The following TET3 variants were observed in gnomAD, a reference collection of about 807,000 sequenced individuals.
The protein encoded by TET3 is tet methylcytosine dioxygenase 3.
Under a neutral mutation model 141.4 loss-of-function variants are expected in TET3, and 19 were observed. That is an observed-to-expected ratio of 0.13 (90% CI 0.09 to 0.20). The LOEUF is 0.20. Among genes scored for constraint, TET3 ranks in the 10% least tolerant of loss-of-function variants. TET3 has a pLI of 1.00. For synonymous variants in TET3, 1,043 were observed against 980.9 expected, an observed-to-expected ratio of 1.06 and a Z score of -1.18; for missense variants, 1,874 against 2,356.9, an observed-to-expected ratio of 0.80 and a Z score of 4.24.
At chr2:74,112,444 TAAAG>T (rs1034122118), downstream of TET3, among the ~76,000 whole-genome samples, 344 of 151,800 alleles carry the variant, frequency 2.3e-3, 5 homozygotes, top group Non-Finnish European at 2.8e-4. Context: ...CCGCTCCAAA[TAAAG>T]AAAATTATCA....
At chr2:73,988,187 G>T (rs1015432986) in intron 2 of TET3, among the ~76,000 whole-genome samples, 1 of 152,180 alleles carries the variant, frequency 6.6e-6, no homozygotes, top group South Asian at 2.1e-4. Context: ...CCCATGGGTC[G>T]CTACTGAAAG....
At chr2:74,133,444 C>T in the TET3 span, among the ~76,000 whole-genome samples, 3 of 152,224 alleles carry the variant, frequency 2.0e-5, no homozygotes, top group Non-Finnish European at 4.4e-5. Flanking sequence ...GCTGGGGCTG[C>T]AATCTTCTGA....
chr2:74,042,736 AAGG>A (rs1687403637), intron 3 of TET3, among the ~76,000 whole-genome samples: 1 of 152,142 alleles, frequency 6.6e-6, no homozygotes, highest in Non-Finnish European at 1.5e-5. Context: ...GAGAGTTGGG[AAGG>A]ACGCTTCTCC....
At chr2:73,983,827 T>G (rs1382691910), upstream of TET3, among the ~76,000 whole-genome samples, 1 of 152,224 alleles carries the variant, frequency 6.6e-6, no homozygotes, top group African/African-American at 2.4e-5. Flanking sequence ...CGAGTGTGTG[T>G]GTGCGCGTGT....
chr2:74,126,629 G>A, the TET3 span, among the ~76,000 whole-genome samples: 1 of 149,890 alleles, frequency 6.7e-6, no homozygotes, highest in East Asian at 2.0e-4. Flanking sequence ...AGTGTCCCAC[G>A]TAGCTGGGAC....
chr2:74,114,853 C>CAAAAAAAAAAA, the TET3 span, among the ~76,000 whole-genome samples: 2,736 of 43,738 alleles, frequency 0.063, 433 homozygotes, highest in East Asian at 0.16. Context: ...GACTCTGTCT[C>CAAAAAAAAAAA]AAAAAAAAAA....
chr2:73,997,610 C>A, intron 2 of TET3, among the ~76,000 whole-genome samples: 1 of 152,090 alleles, frequency 6.6e-6, no homozygotes, highest in East Asian at 1.9e-4. Context: ...CTACAAGGTC[C>A]CTTGTACTGG....
At chr2:74,055,022 A>G (rs752982563) in intron 4 of TET3, among the ~76,000 whole-genome samples, 1 of 152,034 alleles carries the variant, frequency 6.6e-6, no homozygotes, top group Admixed American at 6.6e-5. Flanking sequence ...CAGCCTCCCA[A>G]GTAGCCAGGA....
chr2:74,017,152 G>T (rs1351848786), intron 3 of TET3, among the ~76,000 whole-genome samples: 1 of 152,088 alleles, frequency 6.6e-6, no homozygotes, highest in Non-Finnish European at 1.5e-5. Context: ...AGCCCCGCAC[G>T]ACATTGTATG....
At position 74,047,549 on chromosome 2, in the gene TET3, C is replaced by G; in HGVS notation, c.1632C>G (p.His544Gln). 1.9e-6 allele frequency: 3 copies of G among 1,613,772 alleles called. No homozygotes were observed. Among genetic ancestry groups the G allele is most frequent in the Middle Eastern group, 1.6e-4 (1 of 6,062 alleles). ...HKRSLFLEQV[H>Q]DTSFPAPSEP... ...GCAGCCTCTTCCTAGAACAGGTGCA[C>G]GACACCTCCTTCCCTGCTCCTTCAG... The change falls in exon 4 of 12, where the codon CAC (histidine) becomes CAG (glutamine). Residue 544 changes from histidine to glutamine, a missense_variant. Around this residue, in one of 10 missense-constraint regions of TET3, gnomAD observed 484 missense variants for 462.2 expected, o/e 1.05. Transcript: ENST00000409262.
At chr2:74,040,960 A>G (rs988276790) in intron 3 of TET3, among the ~76,000 whole-genome samples, 3 of 152,126 alleles carry the variant, frequency 2.0e-5, no homozygotes, top group Admixed American at 6.5e-5. Flanking sequence ...AATTGAGGGG[A>G]AAAGCGGAGG....
chr2:73,993,116 A>C (rs370145850), intron 2 of TET3: 7 of 152,306 alleles, frequency 4.6e-5, no homozygotes, highest in African/African-American at 1.4e-4. Context: ...CCCACTCCCA[A>C]GGGATTCTGA....
At chr2:74,110,563 T>A (rs557567842), downstream of TET3, among the ~76,000 whole-genome samples, 2 of 152,288 alleles carry the variant, frequency 1.3e-5, no homozygotes, top group South Asian at 4.2e-4. Context: ...TACATTCTTG[T>A]CAGAGCCATG....
intron 4 of TET3, among the ~76,000 whole-genome samples, chr2:74,059,721 A>AT (rs1021102675): frequency 4.0e-5 from 6 of 149,752 alleles, no homozygotes; most frequent in Admixed American, 6.6e-5. Context: ...TAATTTGTAA[A>AT]TTTTTTTTTA....
In TET3 at chr2:74,093,431, C is replaced by T. The variant is rs1019802622; in HGVS notation, c.3130-98C>T. The T allele has an allele frequency of 4.2e-6, 6 of 1,444,676 alleles. No homozygotes were observed. The highest frequency in any genetic ancestry group is 2.8e-5 in the African/African-American group (2 of 70,388). 89.5% of individuals were successfully genotyped at this position (1,444,676 alleles called of 1,614,324 possible). Reference sequence around the variant, plus strand: ...GTCGAAGGGCAAGGTGACTATCATCCTTAACATCCCTCCTTCCAAGACCTG... The same window carrying T: ...GTCGAAGGGCAAGGTGACTATCATCTTTAACATCCCTCCTTCCAAGACCTG... On this transcript the variant is annotated intron_variant, in intron 9 of 11. Transcript: ENST00000409262. This position sits in a 1 kb window ranked among gnomAD's most constrained non-coding sequence, Gnocchi z 4.2.
At chr2:74,127,260 T>C in the TET3 span, among the ~76,000 whole-genome samples, 3 of 152,236 alleles carry the variant, frequency 2.0e-5, no homozygotes, top group Admixed American at 6.5e-5. Flanking sequence ...TTACAAGGTC[T>C]CCCAAAGTGA....
In TET3 at chr2:74,106,869, G is replaced by GT. The variant is rs1483209462; in HGVS notation, c.*4698dup. 1 of 152,230 alleles carries GT rather than the reference G, an allele frequency of 6.6e-6. No homozygotes were observed. Among genetic ancestry groups the GT allele is most frequent in the Admixed American group, 6.5e-5 (1 of 15,276 alleles). The allele number at this position is 152,230 out of a possible 1,614,324, so 9.4% of individuals were successfully genotyped here. ...ACCTTGAAAAATCTGGGGTCATTTT[G>GT]TTTTTCATTCTTCAGCAGTTAAGAT... On this transcript the variant is annotated 3_prime_UTR_variant, in exon 12 of 12. Transcript: ENST00000409262.
At chr2:74,090,496 G>A (rs912920221) in intron 8 of TET3, among the ~76,000 whole-genome samples, 9 of 152,180 alleles carry the variant, frequency 5.9e-5, no homozygotes, top group East Asian at 1.9e-4. Context: ...CCTGGCTGCC[G>A]GACAGATGTC....
chr2:73,997,053 T>A (rs1430340690), intron 2 of TET3, among the ~76,000 whole-genome samples: 1 of 152,234 alleles, frequency 6.6e-6, no homozygotes, highest in Non-Finnish European at 1.5e-5. Context: ...AGGGTGTTAG[T>A]GGACAAAATA....
Sources: gnomAD v4.1 joint callset for allele counts (sites outside exome capture counted in the v4.1 genomes callset) on GRCh38, gnomAD v4.1.1 for gene constraint, gnomAD v4.1.1 regional missense constraint, Gnocchi (gnomAD v3.1) non-coding constraint, MANE v1.5 for transcripts, NCBI Gene and HGNC (gene_info 2026-07-23, HGNC 2026-07-21) for gene names.